KIF16B: variants seen among roughly 807,000 people sequenced by gnomAD.
The protein encoded by KIF16B is kinesin-like protein KIF16B.
KIF16B carries 98 observed loss-of-function variants against 156.3 expected under a neutral mutation model. The observed-to-expected ratio is 0.63, with a 90% CI of 0.53 to 0.74. The LOEUF (loss-of-function observed/expected upper bound fraction) is 0.74, where lower values mean the gene tolerates loss of function less well. KIF16B is among the 30% of genes least tolerant of loss of function. The pLI, the probability that KIF16B is intolerant of heterozygous loss-of-function variation, is 0.00. For missense variants in KIF16B, 1,421 were observed against 1,606.5 expected, an observed-to-expected ratio of 0.88 and a Z score of 1.97; for synonymous variants, 564 against 583.7, an observed-to-expected ratio of 0.97 and a Z score of 0.49.
At chr20:16,355,249 A>T (rs6111071) in intron 23 of KIF16B, among the ~76,000 whole-genome samples, 2 of 151,728 alleles carry the variant, frequency 1.3e-5, no homozygotes, top group East Asian at 3.9e-4. Context: ...CTCCCTCCCC[A>T]CTCTGTGTGT....
At chr20:16,310,083 T>TG (rs2063596940) in intron 25 of KIF16B, among the ~76,000 whole-genome samples, 1 of 152,362 alleles carries the variant, frequency 6.6e-6, no homozygotes, top group East Asian at 1.9e-4. Context: ...TACTTATACT[T>TG]GCTCCTTGAA....
In KIF16B at chr20:16,366,902, C is replaced by T; in HGVS notation, c.3498+3684G>A. On this transcript the variant is annotated intron_variant, in intron 22 of 25. Coordinates refer to ENST00000354981, the MANE Select transcript of KIF16B (RefSeq NM_024704.5). ...ATGAAGCAGGCACAAATTTACAAGCCTGAGTTTCAAGAAAATGAAGCAAGG... is the reference window on the plus strand; with the variant it reads ...ATGAAGCAGGCACAAATTTACAAGCTTGAGTTTCAAGAAAATGAAGCAAGG... 4.1e-6 allele frequency: 5 copies of T among 1,210,262 alleles called. No individual in the cohort carries two copies. In the Admixed American group the frequency reaches 1.2e-4, roughly 29 times the overall value. 75.0% of individuals were successfully genotyped at this position (1,210,262 alleles called of 1,614,324 possible).
chr20:16,439,173 C>T (rs981968718), intron 12 of KIF16B, among the ~76,000 whole-genome samples: 2 of 152,134 alleles, frequency 1.3e-5, no homozygotes, highest in Non-Finnish European at 1.5e-5. Flanking sequence ...GCTCTACCCG[C>T]ATGATATGGT....
intron 24 of KIF16B, among the ~76,000 whole-genome samples, chr20:16,323,589 TGGATTATGAAG>T (rs1852992808): frequency 6.6e-6 from 1 of 152,016 alleles, no homozygotes; most frequent in Non-Finnish European, 1.5e-5. Flanking sequence ...ACAACCTAGC[TGGATTATGAAG>T]GGAGTGATGA....
intron 1 of KIF16B, among the ~76,000 whole-genome samples, chr20:16,552,094 T>G (rs1228935867): frequency 2.0e-4 from 30 of 152,220 alleles, no homozygotes; most frequent in Admixed American, 2.0e-3. Context: ...TCCACTCTTT[T>G]GTGATTAATC....
chr20:16,502,872 A>T lies in KIF16B; in HGVS notation c.1176+1500T>A, dbSNP rs562578675. 7.9e-5 allele frequency among the ~76,000 whole-genome samples: 12 copies of T among 152,350 alleles called. 1 individual carries two copies. The highest frequency in any genetic ancestry group is 7.2e-4 in the Admixed American group (11 of 15,300). On this transcript the variant is annotated intron_variant, in intron 10 of 25. Coordinates refer to ENST00000354981, the MANE Select transcript of KIF16B (RefSeq NM_024704.5). The stretch of plus-strand genomic sequence containing the variant: ...TATAGTAATTTGAGTGATCCAATCA[A>T]ATCATCATTAAAGGCTTACTTTATA...
At chr20:16,358,107 C>T (rs575791024) in intron 22 of KIF16B, among the ~76,000 whole-genome samples, 4 of 152,026 alleles carry the variant, frequency 2.6e-5, no homozygotes, top group South Asian at 2.1e-4. Flanking sequence ...GAGAATCACT[C>T]GAACCCGGGA....
chr20:16,563,886 A>G (rs111759799), intron 1 of KIF16B, among the ~76,000 whole-genome samples: 4 of 152,340 alleles, frequency 2.6e-5, no homozygotes, highest in African/African-American at 9.6e-5. Flanking sequence ...TATTACTTAT[A>G]AAGTTCACCT....
At chr20:16,296,717 C>A (rs950879381) in intron 25 of KIF16B, among the ~76,000 whole-genome samples, 1 of 152,184 alleles carries the variant, frequency 6.6e-6, no homozygotes, top group African/African-American at 2.4e-5. Context: ...AAATTACCAA[C>A]ACAGCCGTAT....
chr20:16,461,662 C>T (rs950769192), intron 12 of KIF16B, among the ~76,000 whole-genome samples: 5 of 152,120 alleles, frequency 3.3e-5, no homozygotes, highest in Non-Finnish European at 7.3e-5. Flanking sequence ...TGACTGGCAG[C>T]CAATATTTTC....
At chr20:16,380,371 A>G (rs574500898) in intron 18 of KIF16B, among the ~76,000 whole-genome samples, 30 of 152,234 alleles carry the variant, frequency 2.0e-4, no homozygotes, top group African/African-American at 6.7e-4. Context: ...TCACCTGCCT[A>G]TTCTCCTGAA....
intron 12 of KIF16B, among the ~76,000 whole-genome samples, chr20:16,443,318 G>T (rs192199913): frequency 5.8e-4 from 89 of 152,314 alleles, no homozygotes; most frequent in Non-Finnish European, 1.1e-3. Context: ...ACAGAAGGGA[G>T]TTTCTTCCCT....
At chr20:16,292,756 CTGT>C (rs2122503083) in intron 25 of KIF16B, among the ~76,000 whole-genome samples, 1 of 152,328 alleles carries the variant, frequency 6.6e-6, no homozygotes, top group East Asian at 1.9e-4. Context: ...GTCTTTTAGG[CTGT>C]TGCAACAAAG....
chr20:16,468,296 G>A (rs7266042), intron 12 of KIF16B, among the ~76,000 whole-genome samples: 4,820 of 152,254 alleles, frequency 0.032, 234 homozygotes, highest in African/African-American at 0.11. Context: ...TATAGGCCGG[G>A]CGCAGTGGCT....
chr20:16,290,667 A>C (rs898349144), intron 25 of KIF16B, among the ~76,000 whole-genome samples: 6 of 152,096 alleles, frequency 3.9e-5, no homozygotes, highest in African/African-American at 1.2e-4. Context: ...CCCTTGGGGG[A>C]GTCAGGGTCA....
intron 22 of KIF16B, among the ~76,000 whole-genome samples, chr20:16,356,850 C>T (rs952314719): frequency 3.9e-5 from 6 of 152,346 alleles, no homozygotes; most frequent in East Asian, 3.9e-4. Flanking sequence ...CACTATCAGA[C>T]AGCTATACTT....
At chr20:16,526,057 TAA>T in intron 3 of KIF16B, 33 bp downstream of exon 3, 3 of 1,210,096 alleles carry the variant, frequency 2.5e-6, no homozygotes, top group Non-Finnish European at 3.6e-6. Flanking sequence ...AATGTGAAAA[TAA>T]ATCAACATAA....
At chr20:16,508,234 G>A in intron 6 of KIF16B, 134 bp from the exon 7 acceptor site, 2 of 1,009,168 alleles carry the variant, frequency 2.0e-6, no homozygotes, top group Admixed American at 2.3e-5. Flanking sequence ...GTCTCTCTAG[G>A]GTGGTGGTAT....
chr20:16,397,456 G>C (rs1360991026), intron 17 of KIF16B, among the ~76,000 whole-genome samples: 2 of 152,198 alleles, frequency 1.3e-5, no homozygotes, highest in East Asian at 3.9e-4. Flanking sequence ...TGGGGAACAA[G>C]AACTTTGCTT....
Sources: gnomAD v4.1 joint callset for allele counts (sites outside exome capture counted in the v4.1 genomes callset) on GRCh38, gnomAD v4.1.1 for gene constraint, MANE v1.5 for transcripts, NCBI Gene and HGNC (gene_info 2026-07-23, HGNC 2026-07-21) for gene names.